The following TYW1B variants were observed in gnomAD, a reference collection of about 807,000 sequenced individuals.
TYW1B encodes the protein tRNA-yW synthesizing protein 1 homolog B.
TYW1B carries 73 observed loss-of-function variants against 86.9 expected under a neutral mutation model. The ratio of observed to expected loss-of-function variants is 0.84; its 90% CI spans 0.70 to 1.02. TYW1B has a LOEUF of 1.02. Ranked by LOEUF, TYW1B falls within the 50% of genes least tolerant of loss-of-function variation. The pLI is 0.00. For synonymous variants in TYW1B, 248 were observed against 292.8 expected, an observed-to-expected ratio of 0.85 and a Z score of 1.56; for missense variants, 637 against 827.4, an observed-to-expected ratio of 0.77 and a Z score of 2.82.
At chr7:72,604,210 C>A (rs183733987) in intron 13 of TYW1B, among the ~76,000 whole-genome samples, 68 of 152,242 alleles carry the variant, frequency 4.5e-4, no homozygotes, top group Admixed American at 3.7e-3. Flanking sequence ...TGCCTGTGAT[C>A]CCAGCAATTT....
intron 8 of TYW1B, among the ~76,000 whole-genome samples, chr7:72,730,152 G>A (rs1485100862): frequency 6.6e-6 from 1 of 152,124 alleles, no homozygotes; most frequent in East Asian, 1.9e-4. Flanking sequence ...AGATACCAAT[G>A]TAGTAAAAAA....
At chr7:72,807,766 T>A (rs1160796449) in intron 4 of TYW1B, among the ~76,000 whole-genome samples, 1 of 152,158 alleles carries the variant, frequency 6.6e-6, no homozygotes, top group Non-Finnish European at 1.5e-5. Flanking sequence ...TATAATCAAT[T>A]TGGCAAGATT....
At chr7:72,800,707 CAAAA>C (rs60686482) in intron 6 of TYW1B, among the ~76,000 whole-genome samples, 1,670 of 127,912 alleles carry the variant, frequency 0.013, 43 homozygotes, top group African/African-American at 0.045. Context: ...CTCGAAAAGT[CAAAA>C]AAAAAAAAAA....
chr7:72,698,225 T>C (rs1814371110), intron 10 of TYW1B, among the ~76,000 whole-genome samples: 1 of 152,230 alleles, frequency 6.6e-6, no homozygotes, highest in Non-Finnish European at 1.5e-5. Flanking sequence ...CCGTGTGCTT[T>C]ACCCTTCTTG....
At chr7:72,663,056 T>C (rs1309875652) in intron 11 of TYW1B, among the ~76,000 whole-genome samples, 2 of 152,092 alleles carry the variant, frequency 1.3e-5, no homozygotes, top group Non-Finnish European at 1.5e-5. Flanking sequence ...AAAATGGCAA[T>C]AGCCAGGCTA....
At chr7:72,612,818 C>T (rs1554436181) in intron 13 of TYW1B, among the ~76,000 whole-genome samples, 1 of 151,872 alleles carries the variant, frequency 6.6e-6, no homozygotes, top group African/African-American at 2.4e-5. Flanking sequence ...GGCATAATCA[C>T]GGGTCACTGC....
chr7:72,751,353 C>A (rs1787497452), intron 7 of TYW1B, among the ~76,000 whole-genome samples: 1 of 152,106 alleles, frequency 6.6e-6, no homozygotes, highest in Non-Finnish European at 1.5e-5. Flanking sequence ...TGGGTAAATT[C>A]TCTTGTTCTG....
chr7:72,826,734 G>C lies in TYW1B; in HGVS notation c.135+121C>G, dbSNP rs1379479453. ...AAACTTAGAGAAGAAATTTATTTTA[G>C]GCATTTCATTAAAATGTCTAAAGAC... is the stretch of plus-strand genomic sequence containing the variant. On this transcript the variant is annotated intron_variant, in intron 2 of 13. Coordinates refer to ENST00000620995, the MANE Select transcript of TYW1B (RefSeq NM_001145440.3). 3 of 1,252,496 alleles carry C rather than the reference G, an allele frequency of 2.4e-6. No individual in the cohort carries two copies. In the East Asian group the frequency reaches 8.1e-5, roughly 34 times the overall value. The allele number at this position is 1,252,496 out of a possible 1,614,324, so 77.6% of individuals were successfully genotyped here. A position where few individuals can be genotyped will look rare whatever the true frequency, so the allele number is the denominator to read the frequency against.
intron 13 of TYW1B, among the ~76,000 whole-genome samples, chr7:72,593,744 C>G (rs1295809677): frequency 6.8e-6 from 1 of 147,128 alleles, no homozygotes; most frequent in Non-Finnish European, 1.5e-5. Context: ...ATGGCGTGAA[C>G]CCGGGAGGCG....
intron 8 of TYW1B, among the ~76,000 whole-genome samples, chr7:72,729,873 C>A (rs782620032): frequency 6.6e-6 from 1 of 152,104 alleles, no homozygotes; most frequent in Non-Finnish European, 1.5e-5. Context: ...ACCAGCAAGC[C>A]CAGCAACACC....
rs186962092 is a variant in TYW1B at position 72,812,093 on chromosome 7, A to G, written c.238-1428T>C. 1.1e-3 allele frequency among the ~76,000 whole-genome samples: 174 copies of G among 151,630 alleles called. 2 individuals carry two copies. In the South Asian group the frequency reaches 0.013, roughly 11 times the overall value. On this transcript the variant is annotated intron_variant, in intron 3 of 13. Transcript: ENST00000620995. The stretch of plus-strand genomic sequence containing the variant: ...GAAACAAAATACAGGCTGGGTATCC[A>G]TTATCCAGAATGTTTGGGATGGGAA...
At chr7:72,639,845 AAC>A (rs1812761361) in intron 11 of TYW1B, among the ~76,000 whole-genome samples, 1 of 149,202 alleles carries the variant, frequency 6.7e-6, no homozygotes, top group African/African-American at 2.5e-5. Flanking sequence ...CAGCCTGGGC[AAC>A]AGAGTGAGAC....
intron 10 of TYW1B, among the ~76,000 whole-genome samples, chr7:72,696,981 G>A (rs568825669): frequency 6.7e-6 from 1 of 148,284 alleles, no homozygotes; most frequent in South Asian, 2.2e-4. Context: ...CCTTTGCTGA[G>A]TGCCTCTTTA....
chr7:72,662,426 TATAGATAGATAG>T (rs10682366), intron 11 of TYW1B, among the ~76,000 whole-genome samples: 26 of 118,740 alleles, frequency 2.2e-4, no homozygotes, highest in South Asian at 1.3e-3. Context: ...AATATATATA[TATAGATAGATAG>T]ATAGATAGAT....
At chr7:72,681,330 C>A (rs188315454) in intron 11 of TYW1B, among the ~76,000 whole-genome samples, 30 of 152,308 alleles carry the variant, frequency 2.0e-4, no homozygotes, top group African/African-American at 6.5e-4. Flanking sequence ...AGGCATAACA[C>A]ACATCTTGCC....
chr7:72,824,223 C>T (rs1430935949), intron 2 of TYW1B, among the ~76,000 whole-genome samples: 2 of 152,096 alleles, frequency 1.3e-5, no homozygotes, highest in Admixed American at 6.6e-5. Context: ...CTGAAGTAGT[C>T]CACAAAAATA....
At chr7:72,592,411 G>T (rs1378109124) in intron 13 of TYW1B, among the ~76,000 whole-genome samples, 1 of 152,062 alleles carries the variant, frequency 6.6e-6, no homozygotes, top group East Asian at 1.9e-4. Flanking sequence ...TACACAAAAG[G>T]AAATGAAAAG....
chr7:72,815,595 C>A, intron 2 of TYW1B, 114 bp from the exon 3 acceptor site: 1 of 902,500 alleles, frequency 1.1e-6, no homozygotes, highest in South Asian at 1.6e-5. Flanking sequence ...TTTTCAGTGA[C>A]TGATATGAAC....
chr7:72,616,537 C>A, intron 13 of TYW1B, 135 bp downstream of exon 13: 2 of 1,381,256 alleles, frequency 1.4e-6, no homozygotes, highest in Non-Finnish European at 2.0e-6. Flanking sequence ...TTAGTGCTTT[C>A]TTATTTTTGT....
Sources: gnomAD v4.1 joint callset for allele counts (sites outside exome capture counted in the v4.1 genomes callset) on GRCh38, gnomAD v4.1.1 for gene constraint, MANE v1.5 for transcripts, NCBI Gene and HGNC (gene_info 2026-07-23, HGNC 2026-07-21) for gene names.